The following KCNIP1 variants were observed in gnomAD, a reference collection of about 807,000 sequenced individuals.
The protein encoded by KCNIP1 is A-type potassium channel modulatory protein KCNIP1.
In KCNIP1, 18 loss-of-function variants were observed where a neutral mutation model predicts 33.0. That is an observed-to-expected ratio of 0.55 (90% CI 0.38 to 0.81). The LOEUF is 0.81. KCNIP1 is among the 30% of genes least tolerant of loss of function. The pLI is 0.00. For synonymous variants in KCNIP1, 93 were observed against 98.3 expected (o/e 0.95, Z 0.32); for missense variants, 238 against 271.6 (o/e 0.88, Z 0.87).
At chr5:170,637,227 C>T (rs1195024887) in intron 1 of KCNIP1, among the ~76,000 whole-genome samples, 1 of 152,092 alleles carries the variant, frequency 6.6e-6, no homozygotes, top group African/African-American at 2.4e-5. Flanking sequence ...AGAACCACGG[C>T]CCTTGACACC....
intron 1 of KCNIP1, among the ~76,000 whole-genome samples, chr5:170,494,029 C>T (rs1024670471): frequency 6.6e-6 from 1 of 152,194 alleles, no homozygotes; most frequent in African/African-American, 2.4e-5. Context: ...GCCCATACAT[C>T]ACAGACAGCA....
chr5:170,447,872 C>T (rs978539646), intron 1 of KCNIP1, among the ~76,000 whole-genome samples: 6 of 151,758 alleles, frequency 4.0e-5, no homozygotes, highest in African/African-American at 1.5e-4. Context: ...TCCCTTTCAC[C>T]TTGAGGCCTT....
At chr5:170,549,320 A>G (rs759304843) in intron 1 of KCNIP1, among the ~76,000 whole-genome samples, 1 of 152,194 alleles carries the variant, frequency 6.6e-6, no homozygotes, top group Non-Finnish European at 1.5e-5. Context: ...TTTTTTTAAA[A>G]TATGGATTCT....
At chr5:170,553,932 C>A (rs571684559) in intron 1 of KCNIP1, among the ~76,000 whole-genome samples, 27 of 152,300 alleles carry the variant, frequency 1.8e-4, no homozygotes, top group South Asian at 8.3e-4. Context: ...ATATCTAGCA[C>A]ATACAGGTGG....
intron 1 of KCNIP1, among the ~76,000 whole-genome samples, chr5:170,680,177 A>C (rs1762286944): frequency 6.6e-6 from 1 of 152,162 alleles, no homozygotes; most frequent in African/African-American, 2.4e-5. Flanking sequence ...ACTGGGCCTC[A>C]TGGAGATCTA....
chr5:170,388,289 C>T (rs542650098), intron 1 of KCNIP1, among the ~76,000 whole-genome samples: 3 of 152,270 alleles, frequency 2.0e-5, no homozygotes, highest in Non-Finnish European at 4.4e-5. Context: ...TAAGACCATG[C>T]GTGGGGTTCA....
At chr5:170,443,557 C>A (rs911845992) in intron 1 of KCNIP1, among the ~76,000 whole-genome samples, 6 of 152,320 alleles carry the variant, frequency 3.9e-5, no homozygotes, top group South Asian at 2.1e-4. Context: ...ATTCCTTACA[C>A]ACAAAGGCAC....
chr5:170,676,134 G>A (rs1404478356), intron 1 of KCNIP1, among the ~76,000 whole-genome samples: 12 of 129,632 alleles, frequency 9.3e-5, no homozygotes, highest in South Asian at 2.9e-4. Context: ...CGAGGGAGGC[G>A]GGGGAGGGAG....
At chr5:170,701,885 T>C (rs771798690) in intron 1 of KCNIP1, among the ~76,000 whole-genome samples, 6 of 152,130 alleles carry the variant, frequency 3.9e-5, no homozygotes, top group Non-Finnish European at 8.8e-5. Context: ...ACAGGAGCCT[T>C]TGTTTGACTT....
intron 1 of KCNIP1, among the ~76,000 whole-genome samples, chr5:170,481,070 G>A (rs1482611835): frequency 6.6e-6 from 1 of 152,086 alleles, no homozygotes; most frequent in African/African-American, 2.4e-5. Flanking sequence ...AGCTTCATTA[G>A]GAACTTACAG....
chr5:170,668,591 C>T (rs1205988841), intron 1 of KCNIP1, among the ~76,000 whole-genome samples: 1 of 152,138 alleles, frequency 6.6e-6, no homozygotes, highest in Admixed American at 6.5e-5. Flanking sequence ...AGGGGAGGAG[C>T]CCAGTACAGA....
intron 1 of KCNIP1, among the ~76,000 whole-genome samples, chr5:170,391,514 C>T (rs1001744235): frequency 2.6e-5 from 4 of 152,190 alleles, no homozygotes; most frequent in Non-Finnish European, 5.9e-5. Context: ...TTGTGTGTGA[C>T]AGATGGCTAC....
At chr5:170,606,914 C>T (rs1290183452) in intron 1 of KCNIP1, among the ~76,000 whole-genome samples, 3 of 152,222 alleles carry the variant, frequency 2.0e-5, no homozygotes, top group Non-Finnish European at 4.4e-5. Flanking sequence ...CACCAGGCAG[C>T]GCCCTAGGCT....
chr5:170,488,118 T>C (rs1757136026), intron 1 of KCNIP1, among the ~76,000 whole-genome samples: 1 of 152,208 alleles, frequency 6.6e-6, no homozygotes, highest in African/African-American at 2.4e-5. Context: ...GCAAAAGATA[T>C]TAAAATTGCC....
At chr5:170,518,049 G>A (rs550212093) in intron 1 of KCNIP1, among the ~76,000 whole-genome samples, 97 of 151,994 alleles carry the variant, frequency 6.4e-4, no homozygotes, top group African/African-American at 2.1e-3. Context: ...AGTAATGATG[G>A]TGGTGTGGTC....
chr5:170,650,881 A>G (rs1761019644), intron 1 of KCNIP1, among the ~76,000 whole-genome samples: 1 of 152,264 alleles, frequency 6.6e-6, no homozygotes, highest in Non-Finnish European at 1.5e-5. Context: ...TATGAGAGGA[A>G]ATATTTGCAA....
intron 1 of KCNIP1, among the ~76,000 whole-genome samples, chr5:170,354,451 C>T (rs1182640894): frequency 2.6e-5 from 4 of 152,242 alleles, no homozygotes; most frequent in African/African-American, 9.6e-5. Flanking sequence ...ATCAGCTCTG[C>T]ACCTCAAGTG....
At chr5:170,492,473 T>C (rs916094418) in intron 1 of KCNIP1, among the ~76,000 whole-genome samples, 2 of 152,138 alleles carry the variant, frequency 1.3e-5, no homozygotes, top group South Asian at 4.1e-4. Context: ...TTTATGGAGG[T>C]TCAATTACAT....
intron 1 of KCNIP1, among the ~76,000 whole-genome samples, chr5:170,530,800 G>T (rs966209236): frequency 6.6e-6 from 1 of 152,202 alleles, no homozygotes; most frequent in African/African-American, 2.4e-5. Context: ...TCTGGCAGGG[G>T]TGGCAGCAGA....
Sources: allele counts gnomAD v4.1 joint callset (sites outside exome capture counted in the v4.1 genomes callset), GRCh38; gene constraint gnomAD v4.1.1; transcripts MANE v1.5; gene names NCBI Gene and HGNC (gene_info 2026-07-23, HGNC 2026-07-21).